IKZF1: variants seen among roughly 807,000 people sequenced by gnomAD.
IKZF1 encodes IKAROS family zinc finger 1, also known as DNA-binding protein Ikaros.
A neutral mutation model predicts 51.7 loss-of-function variants in IKZF1; 10 were observed. The ratio of observed to expected loss-of-function variants is 0.19; its 90% CI spans 0.12 to 0.33. IKZF1 has a LOEUF of 0.33. Ranked by LOEUF, IKZF1 falls within the 10% of genes least tolerant of loss-of-function variation. The pLI is 1.00. For missense variants in IKZF1, 484 were observed against 707.5 expected (o/e 0.68, Z 3.58); for synonymous variants, 280 against 282.3 (o/e 0.99, Z 0.08).
Position 50,340,780 on chromosome 7 carries a change from A to G in IKZF1, c.160+13023A>G, listed in dbSNP as rs913952317. ...ACTATTACCAGGTGTAGCCACCCTT[A>G]CTTAATCTTAGTGTTATGGTGCAAG... On this transcript the variant is annotated intron_variant, in intron 3 of 7. Coordinates refer to ENST00000331340, the MANE Select transcript of IKZF1 (RefSeq NM_006060.6). Among the ~76,000 whole-genome samples, 46 of 152,276 alleles carry G rather than the reference A, an allele frequency of 3.0e-4. 1 individual carries two copies. The highest frequency in any genetic ancestry group is 1.0e-3 in the African/African-American group (43 of 41,564).
At chr7:50,370,961 A>T (rs1016694703) in intron 3 of IKZF1, among the ~76,000 whole-genome samples, 1 of 152,190 alleles carries the variant, frequency 6.6e-6, no homozygotes, top group African/African-American at 2.4e-5. Context: ...GGAGTGAGCG[A>T]TTTAGGAACT....
intron 3 of IKZF1, among the ~76,000 whole-genome samples, chr7:50,348,620 C>T (rs1337939307): frequency 2.6e-5 from 4 of 152,134 alleles, no homozygotes; most frequent in African/African-American, 9.7e-5. Flanking sequence ...CATTTTGTTT[C>T]GAGAATGAGC....
In IKZF1 at chr7:50,400,428, C is replaced by T. The variant is rs774164690; in HGVS notation, c.1361C>T (p.Thr454Ile). The change falls in exon 8 of 8, where the codon ACC becomes ATC. Residue 454 changes from threonine to isoleucine, a missense_variant. Around this residue, in one of 6 missense-constraint regions of IKZF1, gnomAD observed 72 missense variants for 67.5 expected, o/e 1.07. Transcript: ENST00000331340. This position sits in a 1 kb window ranked among gnomAD's most constrained non-coding sequence, Gnocchi z 5.4. ...CAGGACGCGCTCCGCGTGGTCAGCA[C>T]CAGCGGGGAGCAGATGAAGGTGTAC... ...NSQDALRVVS[T>I]SGEQMKVYKC... The T allele has an allele frequency of 6.2e-7, 1 of 1,613,898 alleles. No homozygotes were observed. The highest frequency in any genetic ancestry group is 1.1e-5 in the South Asian group (1 of 91,076).
At chr7:50,385,435 A>G (rs981646283) in intron 5 of IKZF1, among the ~76,000 whole-genome samples, 3 of 152,190 alleles carry the variant, frequency 2.0e-5, no homozygotes, top group African/African-American at 7.2e-5. Flanking sequence ...TAGCAGGGAT[A>G]GAGTTAGGGA....
At chr7:50,356,508 GTGTC>G (rs762410596) in intron 3 of IKZF1, among the ~76,000 whole-genome samples, 5 of 152,196 alleles carry the variant, frequency 3.3e-5, no homozygotes, top group Non-Finnish European at 5.9e-5. Context: ...GTTTCTGTGT[GTGTC>G]TGTGTGTACA....
intron 5 of IKZF1, among the ~76,000 whole-genome samples, chr7:50,385,516 C>A (rs1365058453): frequency 2.0e-5 from 3 of 152,324 alleles, no homozygotes; most frequent in African/African-American, 7.2e-5. Flanking sequence ...TCCCTTCCTG[C>A]CTCATGGCTT....
chr7:50,352,708 A>T (rs1802165059), intron 3 of IKZF1, among the ~76,000 whole-genome samples: 4 of 152,152 alleles, frequency 2.6e-5, no homozygotes, highest in Admixed American at 2.0e-4. Flanking sequence ...CAGTTTTTTC[A>T]TTTTAAGTTT....
At chr7:50,341,300 C>T (rs1799013700) in intron 3 of IKZF1, among the ~76,000 whole-genome samples, 1 of 152,038 alleles carries the variant, frequency 6.6e-6, no homozygotes, top group Non-Finnish European at 1.5e-5. Flanking sequence ...CGCCACCATG[C>T]CCAGCTGATT....
rs1810394908 is a variant in IKZF1 at position 50,376,754 on chromosome 7, G to A, written c.382G>A (p.Gly128Arg). ...KCDICGIICI[G>R]PNVLMVHKRS... ...TGATATCTGTGGGATCATTTGCATC[G>A]GGCCCAATGTGCTCATGGTTCACAA... The change falls in exon 4 of 8, where the codon GGG becomes AGG. Residue 128 changes from glycine to arginine, a missense_variant. Transcript: ENST00000331340. The surrounding 1 kb of genome is among the most constrained non-coding windows in gnomAD (Gnocchi z 4.5). 1.2e-6 allele frequency: 2 copies of A among 1,613,912 alleles called. No individual in the cohort carries two copies. The highest frequency in any genetic ancestry group is 1.7e-6 in the Non-Finnish European group (2 of 1,179,878).
At position 50,403,618 on chromosome 7, in the gene IKZF1, AAG is replaced by A. The variant is rs1219564929; in HGVS notation, c.*2994_*2995del. ...CTAAAGAGTGTGATTATCCTAATTC[AAG>A]AGTCACTAAAACTCATCACATTATC... On this transcript the variant is annotated 3_prime_UTR_variant, in exon 8 of 8. Transcript: ENST00000331340. 4.5e-6 allele frequency: 1 copy of A among 224,496 alleles called. No individual in the cohort carries two copies. Among genetic ancestry groups the A allele is most frequent in the African/African-American group, 2.4e-5 (1 of 41,554 alleles). The allele number at this position is 224,496 out of a possible 1,614,324, so 13.9% of individuals were successfully genotyped here.
At chr7:50,334,720 G>A (rs1797232336) in intron 3 of IKZF1, among the ~76,000 whole-genome samples, 1 of 151,672 alleles carries the variant, frequency 6.6e-6, no homozygotes, top group African/African-American at 2.4e-5. Context: ...TATGGGATGT[G>A]TGGTGTGCAG....
chr7:50,380,457 G>T (rs575350589), intron 4 of IKZF1, among the ~76,000 whole-genome samples: 1 of 152,312 alleles, frequency 6.6e-6, no homozygotes, highest in Non-Finnish European at 1.5e-5. Flanking sequence ...TAGCCCTCCA[G>T]ACCTGGGGAG....
At chr7:50,346,483 C>G (rs562912268) in intron 3 of IKZF1, among the ~76,000 whole-genome samples, 6 of 152,282 alleles carry the variant, frequency 3.9e-5, no homozygotes, top group African/African-American at 1.4e-4. Flanking sequence ...CTAAATAGCC[C>G]GTTCTCCTGG....
chr7:50,341,013 T>C (rs910421189), intron 3 of IKZF1, among the ~76,000 whole-genome samples: 1 of 152,184 alleles, frequency 6.6e-6, no homozygotes, highest in Admixed American at 6.5e-5. Flanking sequence ...TCTGTTAAGG[T>C]TTTATATGTG....
At chr7:50,372,352 C>T (rs1026472944) in intron 3 of IKZF1, among the ~76,000 whole-genome samples, 2 of 152,194 alleles carry the variant, frequency 1.3e-5, no homozygotes, top group African/African-American at 2.4e-5. Flanking sequence ...GTTCCCTTCC[C>T]ACCAAATCCT....
At chr7:50,324,899 G>A (rs1369287979) in intron 2 of IKZF1, among the ~76,000 whole-genome samples, 1 of 152,132 alleles carries the variant, frequency 6.6e-6, no homozygotes, top group East Asian at 1.9e-4. Flanking sequence ...ATCTAAGGGT[G>A]TCTCAGAGCA....
At chr7:50,393,499 G>A (rs1484684193) in intron 7 of IKZF1, among the ~76,000 whole-genome samples, 1 of 152,090 alleles carries the variant, frequency 6.6e-6, no homozygotes, top group Non-Finnish European at 1.5e-5. Flanking sequence ...CTTCAAATAG[G>A]GCTCCATTTT....
chr7:50,400,705 A>T lies in IKZF1; in HGVS notation c.*78A>T. On this transcript the variant is annotated 3_prime_UTR_variant, in exon 8 of 8. Coordinates refer to ENST00000331340, the MANE Select transcript of IKZF1 (RefSeq NM_006060.6). This position sits in a 1 kb window ranked among gnomAD's most constrained non-coding sequence, Gnocchi z 5.4. ...GGACTGCCGCCTTCTCGCTCCCGCCAGCAGCATAGACTGGACTGGACCAGA... is the reference window on the plus strand; with the variant it reads ...GGACTGCCGCCTTCTCGCTCCCGCCTGCAGCATAGACTGGACTGGACCAGA... The T allele has an allele frequency of 6.7e-7, 1 of 1,485,112 alleles. No homozygotes were observed. The highest frequency in any genetic ancestry group is 1.2e-5 in the South Asian group (1 of 83,074). The allele number at this position is 1,485,112 out of a possible 1,614,324, so 92.0% of individuals were successfully genotyped here. A position where few individuals can be genotyped will look rare whatever the true frequency, so the allele number is the denominator to read the frequency against.
intron 3 of IKZF1, among the ~76,000 whole-genome samples, chr7:50,359,941 G>T (rs1195016062): frequency 6.6e-6 from 1 of 152,222 alleles, no homozygotes; most frequent in Non-Finnish European, 1.5e-5. Flanking sequence ...CCAGAGGCTG[G>T]CTGACTCCCC....
Sources: gnomAD v4.1 joint callset for allele counts (sites outside exome capture counted in the v4.1 genomes callset) on GRCh38, gnomAD v4.1.1 for gene constraint, gnomAD v4.1.1 regional missense constraint, Gnocchi (gnomAD v3.1) non-coding constraint, MANE v1.5 for transcripts, NCBI Gene and HGNC (gene_info 2026-07-23, HGNC 2026-07-21) for gene names.